SPHKAP: variants seen among roughly 807,000 people sequenced by gnomAD.
The protein encoded by SPHKAP is SPHK1 interactor, AKAP domain containing, also known as A-kinase anchor protein SPHKAP.
In SPHKAP, 67 loss-of-function variants were observed where a neutral mutation model predicts 137.5. That is an observed-to-expected ratio of 0.49 (90% confidence interval 0.40 to 0.60). SPHKAP has a LOEUF of 0.60. Among genes scored for constraint, SPHKAP ranks in the 20% least tolerant of loss-of-function variants. The probability of loss-of-function intolerance (pLI) is 0.00; values close to 1 mark genes in which losing one functional copy is unlikely to be tolerated. For synonymous variants in SPHKAP, 813 were observed against 785.3 expected (o/e 1.04, Z -0.59); for missense variants, 2,097 against 2,069.3 (o/e 1.01, Z -0.26).
chr2:228,151,525 T>G (rs1699930303), intron 1 of SPHKAP, among the ~76,000 whole-genome samples: 1 of 152,194 alleles, frequency 6.6e-6, no homozygotes, highest in Admixed American at 6.5e-5. Flanking sequence ...TCCACAATGG[T>G]TGAACTAGTT....
chr2:228,047,480 A>C lies in SPHKAP; in HGVS notation c.247-19937T>G, dbSNP rs929032546. ...AAACTCCATCTCAAAAAAAAAAAAA[A>C]AACAAAAAACAACCTGGTTCAACTC... On this transcript the variant is annotated intron_variant, in intron 3 of 11. Transcript: ENST00000392056. Among the ~76,000 whole-genome samples the C allele has an allele frequency of 3.3e-5, 5 of 152,128 alleles. No individual in the cohort carries two copies. The East Asian group carries it at 7.7e-4, about 24-fold the overall frequency.
chr2:228,106,155 C>T (rs1346671535), intron 3 of SPHKAP, among the ~76,000 whole-genome samples: 1 of 152,052 alleles, frequency 6.6e-6, no homozygotes, highest in East Asian at 1.9e-4. Context: ...TGCACACAAC[C>T]CTCTCAATAT....
chr2:228,174,025 A>C (rs893965587), intron 1 of SPHKAP, among the ~76,000 whole-genome samples: 1 of 152,194 alleles, frequency 6.6e-6, no homozygotes, highest in Non-Finnish European at 1.5e-5. Flanking sequence ...TTAAGGAGAA[A>C]TGTGGCTTGG....
chr2:228,067,492 C>T (rs746747680), intron 3 of SPHKAP, among the ~76,000 whole-genome samples: 49 of 152,246 alleles, frequency 3.2e-4, no homozygotes, highest in East Asian at 9.6e-4. Context: ...ATAGGCTCTC[C>T]GGAGGGCTGA....
intron 1 of SPHKAP, among the ~76,000 whole-genome samples, chr2:228,166,978 A>T (rs1456221258): frequency 1.3e-5 from 2 of 152,030 alleles, no homozygotes; most frequent in Non-Finnish European, 2.9e-5. Context: ...GGTGCCATAC[A>T]CTTTCACACA....
intron 6 of SPHKAP, 74 bp from the exon 7 acceptor site, chr2:228,020,230 T>C: frequency 6.6e-7 from 1 of 1,505,592 alleles, no homozygotes; most frequent in Non-Finnish European, 8.8e-7. Context: ...TAATAATTAC[T>C]TTCTAAAAAT....
intron 1 of SPHKAP, among the ~76,000 whole-genome samples, chr2:228,175,406 A>T (rs1422015036): frequency 6.6e-6 from 1 of 152,224 alleles, no homozygotes; most frequent in African/African-American, 2.4e-5. Flanking sequence ...AGCACAAAAG[A>T]TCAGAGGAGA....
chr2:228,087,890 C>G (rs1221710772), intron 3 of SPHKAP, among the ~76,000 whole-genome samples: 1 of 152,108 alleles, frequency 6.6e-6, no homozygotes, highest in Non-Finnish European at 1.5e-5. Flanking sequence ...GAAATAATAT[C>G]TAAAACCTAC....
At chr2:228,021,179 T>C (rs1205705725) in intron 6 of SPHKAP, among the ~76,000 whole-genome samples, 2 of 152,210 alleles carry the variant, frequency 1.3e-5, no homozygotes, top group African/African-American at 4.8e-5. Flanking sequence ...AAATGGGTAC[T>C]AAGCACTTTC....
intron 1 of SPHKAP, chr2:228,132,614 C>T: frequency 9.6e-6 from 4 of 418,182 alleles, no homozygotes; most frequent in Non-Finnish European, 1.3e-5. Flanking sequence ...TCTCTATCTC[C>T]AAAATTATAG....
At chr2:228,048,934 C>A (rs1001648133) in intron 3 of SPHKAP, among the ~76,000 whole-genome samples, 2 of 152,088 alleles carry the variant, frequency 1.3e-5, no homozygotes, top group East Asian at 3.9e-4. Flanking sequence ...CCTAATGACT[C>A]AATTCTCAGG....
chr2:228,077,793 T>TGA (rs1697230994), intron 3 of SPHKAP, among the ~76,000 whole-genome samples: 1 of 152,098 alleles, frequency 6.6e-6, no homozygotes. Flanking sequence ...TGTGAGGACA[T>TGA]GAGATTTAGG....
At chr2:228,138,175 C>T (rs765085600) in intron 1 of SPHKAP, among the ~76,000 whole-genome samples, 5 of 152,142 alleles carry the variant, frequency 3.3e-5, no homozygotes, top group Non-Finnish European at 5.9e-5. Context: ...AAGTCCTTGG[C>T]CTGTCTAGTA....
intron 3 of SPHKAP, among the ~76,000 whole-genome samples, chr2:228,031,565 C>T (rs556934073): frequency 6.6e-6 from 1 of 152,328 alleles, no homozygotes; most frequent in East Asian, 1.9e-4. Context: ...GGGCAGACTG[C>T]CTCCTTAAGC....
intron 7 of SPHKAP, among the ~76,000 whole-genome samples, chr2:228,006,289 T>C (rs2106189753): frequency 1.3e-5 from 2 of 152,352 alleles, no homozygotes; most frequent in Middle Eastern, 6.8e-3. Flanking sequence ...TTTCATTCAT[T>C]TGATCTTCAG....
At chr2:228,047,419 T>C (rs752862071) in intron 3 of SPHKAP, among the ~76,000 whole-genome samples, 10 of 151,192 alleles carry the variant, frequency 6.6e-5, no homozygotes, top group Non-Finnish European at 1.3e-4. Context: ...TGAGCCGAGA[T>C]TGCACCATTG....
chr2:227,994,011 T>G, intron 8 of SPHKAP: 1 of 983,322 alleles, frequency 1.0e-6, no homozygotes, highest in Non-Finnish European at 1.2e-6. Context: ...CCTGCAGAGA[T>G]GAAGGAACTT....
chr2:227,983,154 C>T (rs1693066472), intron 11 of SPHKAP, among the ~76,000 whole-genome samples: 2 of 151,976 alleles, frequency 1.3e-5, no homozygotes, highest in South Asian at 2.1e-4. Context: ...GCTCAGACTT[C>T]AGAGATCAGC....
intron 7 of SPHKAP, among the ~76,000 whole-genome samples, chr2:228,000,194 G>A (rs1310985771): frequency 2.0e-5 from 3 of 152,188 alleles, no homozygotes; most frequent in South Asian, 2.1e-4. Context: ...GATTGGCAAC[G>A]TTTGGCCAGG....
Sources: gnomAD v4.1 joint callset for allele counts (sites outside exome capture counted in the v4.1 genomes callset) on GRCh38, gnomAD v4.1.1 for gene constraint, MANE v1.5 for transcripts, NCBI Gene and HGNC (gene_info 2026-07-23, HGNC 2026-07-21) for gene names.